Variants in APBA2 observed in about 807,000 individuals in gnomAD.
The protein encoded by APBA2 is amyloid-beta A4 precursor protein-binding family A member 2.
Under a neutral mutation model 75.0 loss-of-function variants are expected in APBA2, and 30 were observed. The ratio of observed to expected loss-of-function variants is 0.40; its 90% CI spans 0.30 to 0.54. The LOEUF (loss-of-function observed/expected upper bound fraction) is 0.54, where lower values mean the gene tolerates loss of function less well. Ranked by LOEUF, APBA2 falls within the 20% of genes least tolerant of loss-of-function variation. APBA2 has a pLI of 0.49. For missense variants in APBA2, 801 were observed against 1,016.1 expected (o/e 0.79, Z 2.88); for synonymous variants, 444 against 409.6 (o/e 1.08, Z -1.01).
chr15:29,104,513 A>G (rs1567017661), intron 10 of APBA2, among the ~76,000 whole-genome samples: 1 of 152,240 alleles, frequency 6.6e-6, no homozygotes, highest in African/African-American at 2.4e-5. Context: ...GGCCTTTGCC[A>G]TGTCAGAGTC....
intron 1 of APBA2, among the ~76,000 whole-genome samples, chr15:28,906,849 T>C (rs2033158866): frequency 6.6e-6 from 1 of 152,234 alleles, no homozygotes; most frequent in African/African-American, 2.4e-5. Context: ...TGAAGGTTTT[T>C]TTTGTTGTTG....
chr15:28,947,962 G>T (rs2035637972), intron 2 of APBA2, among the ~76,000 whole-genome samples: 1 of 152,202 alleles, frequency 6.6e-6, no homozygotes, highest in South Asian at 2.1e-4. Context: ...AATCCCTCGT[G>T]TTAGGAGACT....
intron 3 of APBA2, among the ~76,000 whole-genome samples, chr15:29,019,409 C>T (rs949123678): frequency 2.0e-5 from 3 of 152,190 alleles, no homozygotes; most frequent in Admixed American, 6.5e-5. Flanking sequence ...GGAGTGCATT[C>T]GGGAAGAAAA....
At chr15:28,913,101 T>C (rs1429960869) in intron 1 of APBA2, among the ~76,000 whole-genome samples, 1 of 152,226 alleles carries the variant, frequency 6.6e-6, no homozygotes, top group Non-Finnish European at 1.5e-5. Context: ...CTACAGTTTG[T>C]GTCCGTCGCA....
chr15:28,964,190 G>A (rs1377421612), intron 2 of APBA2, among the ~76,000 whole-genome samples: 3 of 152,200 alleles, frequency 2.0e-5, no homozygotes, highest in Non-Finnish European at 2.9e-5. Context: ...ACAATTGCTG[G>A]ATTGCATGGT....
intron 1 of APBA2, among the ~76,000 whole-genome samples, chr15:28,889,493 T>G (rs2031986744): frequency 6.6e-6 from 1 of 152,186 alleles, no homozygotes; most frequent in South Asian, 2.1e-4. Flanking sequence ...TCCACGTTAC[T>G]CGGCTGGATT....
At chr15:29,050,221 G>A (rs187065107) in intron 3 of APBA2, among the ~76,000 whole-genome samples, 1 of 152,262 alleles carries the variant, frequency 6.6e-6, no homozygotes, top group African/African-American at 2.4e-5. Flanking sequence ...AGAAGATAGT[G>A]GAACAGTGTT....
intron 14 of APBA2, among the ~76,000 whole-genome samples, chr15:29,114,218 G>A (rs1023592852): frequency 1.3e-5 from 2 of 152,236 alleles, no homozygotes; most frequent in African/African-American, 4.8e-5. Flanking sequence ...CTGAGCAACC[G>A]GGAGGGCACA....
chr15:28,977,146 C>G (rs1483018023), intron 2 of APBA2: 3 of 152,182 alleles, frequency 2.0e-5, no homozygotes, highest in Non-Finnish European at 4.4e-5. Flanking sequence ...AACACACATT[C>G]ATTCCTCACA....
At position 28,914,282 on chromosome 15, in the gene APBA2, G is replaced by C. The variant is rs560827077; in HGVS notation, c.-204-7358G>C. 9.9e-5 allele frequency among the ~76,000 whole-genome samples: 15 copies of C among 151,988 alleles called. No homozygotes were observed. The East Asian group carries it at 1.6e-3, about 16-fold the overall frequency. On this transcript the variant is annotated intron_variant, in intron 1 of 14. Coordinates refer to ENST00000683413, the MANE Select transcript of APBA2 (RefSeq NM_001353788.2). ...GACCTTGGGGAAGCAGCTCACCTCCGAGCCTGGTGTATGAGAGCATAATGG... is the reference window on the plus strand; with the variant it reads ...GACCTTGGGGAAGCAGCTCACCTCCCAGCCTGGTGTATGAGAGCATAATGG...
chr15:29,004,436 C>T (rs549340267), intron 3 of APBA2, among the ~76,000 whole-genome samples: 6 of 152,332 alleles, frequency 3.9e-5, no homozygotes, highest in African/African-American at 1.4e-4. Flanking sequence ...GTCCTGAAAG[C>T]TAGAGGCCAT....
At chr15:29,089,574 C>T (rs2043455860) in intron 6 of APBA2, among the ~76,000 whole-genome samples, 1 of 152,130 alleles carries the variant, frequency 6.6e-6, no homozygotes, top group African/African-American at 2.4e-5. Context: ...CTCTGTCCAC[C>T]ACCCATGTTC....
rs1270362261 is a variant in APBA2, at chr15:28,918,790, G to A, written c.-204-2850G>A. ...TTGGGGTTGTTGCCCACATCACCGA[G>A]CGAACGTTCCTGTCCCGCCCACTCA... On this transcript the variant is annotated intron_variant, in intron 1 of 14. Transcript: ENST00000683413. This position sits in a 1 kb window ranked among gnomAD's most constrained non-coding sequence, Gnocchi z 4.2. 6.6e-6 allele frequency among the ~76,000 whole-genome samples: 1 copy of A among 152,182 alleles called. No homozygotes were observed. The highest frequency in any genetic ancestry group is 1.5e-5 in the Non-Finnish European group (1 of 68,026).
At chr15:28,928,974 T>C (rs1203497439) in intron 2 of APBA2, among the ~76,000 whole-genome samples, 2 of 152,132 alleles carry the variant, frequency 1.3e-5, no homozygotes, top group Non-Finnish European at 2.9e-5. Flanking sequence ...TTTGGCTGTG[T>C]CTCTAGATTT....
chr15:29,081,751 C>T (rs1040739662), intron 6 of APBA2, among the ~76,000 whole-genome samples: 4 of 152,240 alleles, frequency 2.6e-5, no homozygotes, highest in South Asian at 2.1e-4. Flanking sequence ...TAAGCGGCAG[C>T]ACAGGATCGG....
chr15:28,987,725 G>GATATATATATATATATATAT lies in APBA2; in HGVS notation c.-94-8027_-94-8026insTATATATATATATATATATA, dbSNP rs1469936230. Among the ~76,000 whole-genome samples, 353 of 118,082 alleles carry GATATATATATATATATATAT rather than the reference G, an allele frequency of 3.0e-3. 1 individual carries two copies. The highest frequency in any genetic ancestry group is 9.2e-3 in the East Asian group (27 of 2,920). The allele number at this position is 118,082 out of a possible 152,430, so 77.5% of individuals were successfully genotyped here. On this transcript the variant is annotated intron_variant, in intron 2 of 14. Transcript: ENST00000683413. ...AAGGGAGTGTCAAAGAATATGTGGA[G>GATATATATATATATATATAT]AGAGATATATATATATATATATATA...
chr15:29,051,682 A>G (rs2041601324), intron 3 of APBA2, among the ~76,000 whole-genome samples: 1 of 152,140 alleles, frequency 6.6e-6, no homozygotes, highest in Non-Finnish European at 1.5e-5. Flanking sequence ...TGTTTTGGGC[A>G]CCACTACAAA....
intron 14 of APBA2, 53 bp downstream of exon 14, chr15:29,114,069 C>A (rs574358367): frequency 3.1e-6 from 5 of 1,612,514 alleles, no homozygotes; most frequent in Non-Finnish European, 4.2e-6. Context: ...CGTGCTCCCG[C>A]CTGCCCTCCA....
chr15:29,098,536 T>C lies in APBA2; in HGVS notation c.1298T>C (p.Ile433Thr). The change falls in exon 9 of 15, where the codon ATT becomes ACT. Residue 433 changes from isoleucine (I) to threonine (T), a missense_variant. Around this residue, in one of 2 missense-constraint regions of APBA2, gnomAD observed 367 missense variants for 544.5 expected, o/e 0.67. Transcript: ENST00000683413. ...ACGCTGACGGAAGTGGACCTCTTCA[T>C]TTCCACCCAGAGGATCAAGGTTTTA... ...AQTLTEVDLF[I>T]STQRIKVLNA... 1 of 1,614,152 alleles carries C rather than the reference T, an allele frequency of 6.2e-7. No individual in the cohort carries two copies. Among genetic ancestry groups the C allele is most frequent in the Non-Finnish European group, 8.5e-7 (1 of 1,180,010 alleles).
Sources: gnomAD v4.1 joint callset for allele counts (sites outside exome capture counted in the v4.1 genomes callset) on GRCh38, gnomAD v4.1.1 for gene constraint, gnomAD v4.1.1 regional missense constraint, Gnocchi (gnomAD v3.1) non-coding constraint, MANE v1.5 for transcripts, NCBI Gene and HGNC (gene_info 2026-07-23, HGNC 2026-07-21) for gene names.